The following DNAJB1 variants were observed in gnomAD, a reference collection of about 807,000 sequenced individuals.
DNAJB1 encodes the protein dnaJ homolog subfamily B member 1.
A neutral mutation model predicts 24.0 loss-of-function variants in DNAJB1; 14 were observed. The ratio of observed to expected loss-of-function variants is 0.58; its 90% confidence interval spans 0.39 to 0.91. The LOEUF (loss-of-function observed/expected upper bound fraction) is 0.91, where lower values mean the gene tolerates loss of function less well. Among genes scored for constraint, DNAJB1 ranks in the 40% least tolerant of loss-of-function variants. The pLI is 0.00. For synonymous variants in DNAJB1, 262 were observed against 174.4 expected (o/e 1.50, Z -3.96); for missense variants, 517 against 458.1 (o/e 1.13, Z -1.17).
At chr19:14,545,587 C>G in intron 1 of DNAJB1, 1 of 196,380 alleles carries the variant, frequency 5.1e-6, no homozygotes, top group Non-Finnish European at 1.1e-5. Flanking sequence ...GCTCTTGTTA[C>G]ACCCGCCTGA....
chr19:14,551,970 TC>T (rs2073536778), upstream of DNAJB1, among the ~76,000 whole-genome samples: 2 of 123,494 alleles, frequency 1.6e-5, no homozygotes, highest in African/African-American at 2.9e-5. Context: ...TCTCTCTCTC[TC>T]TTTCTCTCTT....
upstream of DNAJB1, among the ~76,000 whole-genome samples, chr19:14,523,073 G>C (rs933758040): frequency 1.6e-4 from 25 of 152,178 alleles, no homozygotes; most frequent in Non-Finnish European, 3.1e-4. Context: ...GGGCATGGTG[G>C]CATGTGCCCA....
chr19:14,516,914 A>C lies in DNAJB1; in HGVS notation c.344T>G (p.Phe115Cys). 1.2e-6 allele frequency: 2 copies of C among 1,614,146 alleles called. No individual in the cohort carries two copies. The highest frequency in any genetic ancestry group is 1.1e-5 in the South Asian group (1 of 91,086). Residue 115 changes from phenylalanine to cysteine, a missense_variant, in exon 2 of 3, where the codon TTT becomes TGT. By Grantham distance (205) the Phe-to-Cys change is radical. Transcript: ENST00000254322. ...TTCCTCCCCGTTCCGCTGCCCAAAA[A>C]AGGTGTCAAAGGGATTTCTGCCACC... The part of the protein sequence containing the change: ...FFGGRNPFDT[F>C]FGQRNGEEGM...
At chr19:14,532,303 T>C (rs946799910), upstream of DNAJB1, 2 of 152,094 alleles carry the variant, frequency 1.3e-5, no homozygotes, top group African/African-American at 4.8e-5. Flanking sequence ...CCCAGCACTT[T>C]GGTAGGCTGA....
At chr19:14,541,587 A>G (rs2073099405) in intron 1 of DNAJB1, among the ~76,000 whole-genome samples, 1 of 152,130 alleles carries the variant, frequency 6.6e-6, no homozygotes, top group Admixed American at 6.6e-5. Flanking sequence ...TCTGTCCTCA[A>G]GATCTTTTCA....
intron 1 of DNAJB1, among the ~76,000 whole-genome samples, chr19:14,557,338 A>C (rs1354386806): frequency 6.8e-6 from 1 of 146,590 alleles, no homozygotes; most frequent in Admixed American, 6.9e-5. Context: ...ACGGGGTTTC[A>C]CCATGTTGGG....
chr19:14,556,425 C>CAAAAACAA (rs1455343160), intron 1 of DNAJB1, among the ~76,000 whole-genome samples: 2 of 150,374 alleles, frequency 1.3e-5, no homozygotes, highest in South Asian at 4.3e-4. Context: ...AAAACAAAAA[C>CAAAAACAA]AAAAAAAACC....
chr19:14,551,175 C>T (rs982363181), upstream of DNAJB1, among the ~76,000 whole-genome samples: 6 of 151,810 alleles, frequency 4.0e-5, no homozygotes, highest in East Asian at 9.6e-4. Context: ...AGGTTCATAA[C>T]GATTCTCCTG....
chr19:14,532,512 CAAAAAAAAAAAAAAA>C (rs748457923), upstream of DNAJB1: 3 of 73,708 alleles, frequency 4.1e-5, no homozygotes, highest in African/African-American at 5.8e-5. Context: ...GAGTCTGTCT[CAAAAAAAAAAAAAAA>C]AAAAAAAAGG....
At chr19:14,539,425 G>T (rs1266780029) in intron 1 of DNAJB1, among the ~76,000 whole-genome samples, 2 of 152,048 alleles carry the variant, frequency 1.3e-5, no homozygotes, top group Admixed American at 1.3e-4. Context: ...GAGGCTAGAA[G>T]ACAGTCTGGC....
Position 14,518,361 on chromosome 19 carries a change from G to GCGGCCCGC in DNAJB1, c.-20_-13dup. ...TAGTCTTTACCCATGACCCCCTCCT[G>GCGGCCCGC]CGGCCCGCCGACCCGCTGTCGCCGT... On this transcript the variant is annotated 5_prime_UTR_variant, in exon 1 of 3. Transcript: ENST00000254322. 2 of 1,540,992 alleles carry GCGGCCCGC rather than the reference G, an allele frequency of 1.3e-6. No individual in the cohort carries two copies. The highest frequency in any genetic ancestry group is 1.7e-6 in the Non-Finnish European group (2 of 1,152,956).
upstream of DNAJB1, among the ~76,000 whole-genome samples, chr19:14,551,326 C>T (rs537336571): frequency 2.6e-5 from 4 of 151,492 alleles, no homozygotes; most frequent in East Asian, 2.0e-4. Flanking sequence ...CCACCCACCT[C>T]GGCCTCCCAG....
At chr19:14,536,973 AG>A (rs2072921524) in intron 1 of DNAJB1, among the ~76,000 whole-genome samples, 1 of 8,968 alleles carries the variant, frequency 1.1e-4, no homozygotes, top group South Asian at 3.4e-3. Context: ...GGGGCCGAGG[AG>A]GGGGCGGGGC....
chr19:14,539,516 C>T (rs1012307488), intron 1 of DNAJB1, among the ~76,000 whole-genome samples: 22 of 152,196 alleles, frequency 1.4e-4, no homozygotes, highest in African/African-American at 4.6e-4. Flanking sequence ...TGTTCCCCAC[C>T]GAGCCACAGG....
intron 1 of DNAJB1, chr19:14,527,878 A>T (rs1415859706): frequency 6.6e-6 from 1 of 152,212 alleles, no homozygotes; most frequent in Non-Finnish European, 1.5e-5. Context: ...TTGTCTGTCA[A>T]AAGTCTTTTC....
intron 1 of DNAJB1, among the ~76,000 whole-genome samples, chr19:14,549,501 G>GT (rs1462403119): frequency 2.6e-5 from 4 of 151,912 alleles, no homozygotes; most frequent in Non-Finnish European, 4.4e-5. Context: ...GTTTTTAAAA[G>GT]TTTTTGTAGA....
chr19:14,524,347 A>C (rs1450034731), intron 2 of DNAJB1, among the ~76,000 whole-genome samples: 1 of 149,542 alleles, frequency 6.7e-6, no homozygotes, highest in Non-Finnish European at 1.5e-5. Context: ...TGGCCCACAT[A>C]GTGAGACCCC....
chr19:14,529,609 G>A, upstream of DNAJB1: 2 of 1,597,374 alleles, frequency 1.3e-6, no homozygotes, highest in Non-Finnish European at 1.7e-6. Context: ...GTCTATCGCT[G>A]CGGTTGCGAG....
At chr19:14,523,614 G>GTTTTT (rs1260679879) in intron 2 of DNAJB1, among the ~76,000 whole-genome samples, 1 of 138,404 alleles carries the variant, frequency 7.2e-6, no homozygotes, top group African/African-American at 2.8e-5. Context: ...ACCCGGCCTT[G>GTTTTT]TTTTTGTTTT....
Sources: gnomAD v4.1 joint callset for allele counts (sites outside exome capture counted in the v4.1 genomes callset) on GRCh38, gnomAD v4.1.1 for gene constraint, MANE v1.5 for transcripts, NCBI Gene and HGNC (gene_info 2026-07-23, HGNC 2026-07-21) for gene names.